The following SLC25A21 variants were observed in gnomAD, a reference collection of about 807,000 sequenced individuals.
The protein encoded by SLC25A21 is mitochondrial 2-oxodicarboxylate carrier.
SLC25A21 carries 47 observed loss-of-function variants against 43.8 expected under a neutral mutation model. That is an observed-to-expected ratio of 1.07 (90% CI 0.85 to 1.37). SLC25A21 has a LOEUF of 1.37. SLC25A21 is among the 40% of genes most tolerant of loss of function. The pLI is 0.00. For missense variants in SLC25A21, 352 were observed against 350.2 expected (o/e 1.00, Z -0.04); for synonymous variants, 131 against 121.3 (o/e 1.08, Z -0.52).
chr14:36,923,553 C>A (rs1045468208), intron 1 of SLC25A21, among the ~76,000 whole-genome samples: 3 of 151,982 alleles, frequency 2.0e-5, no homozygotes, highest in African/African-American at 7.2e-5. Context: ...CTTTTAAATT[C>A]ATTTAAACAA....
chr14:36,960,874 T>C (rs1234251594), intron 1 of SLC25A21, among the ~76,000 whole-genome samples: 3 of 152,248 alleles, frequency 2.0e-5, no homozygotes, highest in Non-Finnish European at 4.4e-5. Context: ...TCTCATTATA[T>C]GGAACTTCTG....
At chr14:37,146,351 T>C (rs1489149365) in intron 1 of SLC25A21, among the ~76,000 whole-genome samples, 1 of 151,940 alleles carries the variant, frequency 6.6e-6, no homozygotes, top group Non-Finnish European at 1.5e-5. Context: ...GCTCAAGCAA[T>C]CCTCCCACAT....
chr14:36,761,356 C>T (rs1998764), intron 3 of SLC25A21, among the ~76,000 whole-genome samples: 98,730 of 152,122 alleles, frequency 0.65, 32,967 homozygotes, highest in East Asian at 0.89. Context: ...GCCACTTCCT[C>T]GAAGGGGCTG....
intron 1 of SLC25A21, among the ~76,000 whole-genome samples, chr14:37,016,055 G>C (rs897333242): frequency 9.5e-4 from 144 of 151,770 alleles, no homozygotes; most frequent in African/African-American, 1.9e-3. Context: ...AATTAGATCC[G>C]ATTTGTCAAT....
intron 1 of SLC25A21, among the ~76,000 whole-genome samples, chr14:36,989,186 G>A (rs1192190569): frequency 6.6e-6 from 1 of 152,124 alleles, no homozygotes; most frequent in Non-Finnish European, 1.5e-5. Flanking sequence ...AGCACTCCTG[G>A]CTGCAATGCA....
chr14:36,930,873 T>C (rs1322168800), intron 1 of SLC25A21, among the ~76,000 whole-genome samples: 1 of 152,126 alleles, frequency 6.6e-6, no homozygotes, highest in East Asian at 1.9e-4. Flanking sequence ...GCTGAGAGAG[T>C]TAAGTATTTC....
intron 1 of SLC25A21, among the ~76,000 whole-genome samples, chr14:37,095,818 G>GCACACA (rs3061856): frequency 1.4e-5 from 2 of 139,572 alleles, no homozygotes; most frequent in African/African-American, 5.5e-5. Flanking sequence ...ACACGCGCAC[G>GCACACA]CACACACACA....
At chr14:36,883,706 C>T (rs1463148586) in intron 1 of SLC25A21, among the ~76,000 whole-genome samples, 1 of 152,040 alleles carries the variant, frequency 6.6e-6, no homozygotes, top group African/African-American at 2.4e-5. Context: ...TTATGGGATT[C>T]CATTTCAGTG....
chr14:37,043,940 GTTTTTTTTTTT>G (rs59081965), intron 1 of SLC25A21, among the ~76,000 whole-genome samples: 1 of 56,768 alleles, frequency 1.8e-5, no homozygotes, highest in South Asian at 5.8e-4. Context: ...ATGTTTTTTT[GTTTTTTTTTTT>G]TTTTTTGGTG....
At chr14:36,923,205 T>C (rs558052401) in intron 1 of SLC25A21, among the ~76,000 whole-genome samples, 1 of 151,902 alleles carries the variant, frequency 6.6e-6, no homozygotes, top group Admixed American at 6.6e-5. Context: ...AAAGAGAAAA[T>C]CTTAATGTAG....
chr14:36,818,734 T>G (rs915792223), intron 2 of SLC25A21, among the ~76,000 whole-genome samples: 1 of 152,228 alleles, frequency 6.6e-6, no homozygotes, highest in Non-Finnish European at 1.5e-5. Context: ...ATAATTATAG[T>G]GCATTTTGGT....
At chr14:36,935,379 A>G (rs1892396069) in intron 1 of SLC25A21, among the ~76,000 whole-genome samples, 1 of 152,140 alleles carries the variant, frequency 6.6e-6, no homozygotes, top group Non-Finnish European at 1.5e-5. Context: ...CCTAGGCCCA[A>G]GTTTAATATG....
intron 3 of SLC25A21, among the ~76,000 whole-genome samples, chr14:36,753,779 C>T (rs1332810911): frequency 6.6e-6 from 1 of 152,090 alleles, no homozygotes; most frequent in Admixed American, 6.5e-5. Flanking sequence ...GCTCTTTAGT[C>T]CTCTCCTCTG....
chr14:37,017,511 T>G (rs1403146044), intron 1 of SLC25A21, among the ~76,000 whole-genome samples: 1 of 151,986 alleles, frequency 6.6e-6, no homozygotes, highest in Non-Finnish European at 1.5e-5. Flanking sequence ...ATGAAAACAT[T>G]TGAAATAGTG....
At chr14:36,874,446 G>T (rs889427912) in intron 2 of SLC25A21, among the ~76,000 whole-genome samples, 7 of 151,984 alleles carry the variant, frequency 4.6e-5, no homozygotes, top group African/African-American at 1.7e-4. Context: ...TTAATACATT[G>T]CCCTGGCTTG....
intron 7 of SLC25A21, among the ~76,000 whole-genome samples, chr14:36,699,407 G>T (rs1883181036): frequency 1.3e-5 from 2 of 152,182 alleles, no homozygotes; most frequent in South Asian, 2.1e-4. Context: ...CAGGGATCAG[G>T]GACCCACTTG....
chr14:36,830,523 T>C (rs1318396937), intron 2 of SLC25A21, among the ~76,000 whole-genome samples: 2 of 152,154 alleles, frequency 1.3e-5, no homozygotes, highest in East Asian at 1.9e-4. Flanking sequence ...TGATAACACA[T>C]GTATCCTTTT....
At chr14:37,112,278 A>G (rs929190307) in intron 1 of SLC25A21, among the ~76,000 whole-genome samples, 1 of 152,168 alleles carries the variant, frequency 6.6e-6, no homozygotes, top group Non-Finnish European at 1.5e-5. Flanking sequence ...TAGGACACGG[A>G]CCACTGGAGA....
At chr14:36,886,834 C>T (rs1354493224) in intron 1 of SLC25A21, among the ~76,000 whole-genome samples, 1 of 152,130 alleles carries the variant, frequency 6.6e-6, no homozygotes, top group African/African-American at 2.4e-5. Flanking sequence ...TTATTCTTGT[C>T]TTCCTCTTTG....
Sources: allele counts gnomAD v4.1 joint callset (sites outside exome capture counted in the v4.1 genomes callset), GRCh38; gene constraint gnomAD v4.1.1; transcripts MANE v1.5; gene names NCBI Gene and HGNC (gene_info 2026-07-23, HGNC 2026-07-21).